LPAR1: variants seen among roughly 807,000 people sequenced by gnomAD.
The protein encoded by LPAR1 is LPA receptor 1.
LPAR1 carries 5 observed loss-of-function variants against 23.8 expected under a neutral mutation model. The ratio of observed to expected loss-of-function variants is 0.21; its 90% confidence interval spans 0.11 to 0.44. The LOEUF (loss-of-function observed/expected upper bound fraction) is 0.44, where lower values mean the gene tolerates loss of function less well. Ranked by LOEUF, LPAR1 falls within the 20% of genes least tolerant of loss-of-function variation. The probability of loss-of-function intolerance (pLI) is 0.99; values close to 1 mark genes in which losing one functional copy is unlikely to be tolerated. For missense variants in LPAR1, 311 were observed against 482.8 expected, an observed-to-expected ratio of 0.64 and a Z score of 3.33; for synonymous variants, 160 against 164.7, an observed-to-expected ratio of 0.97 and a Z score of 0.22.
chr9:110,938,240 T>C lies in LPAR1; in HGVS notation c.793+3181A>G, dbSNP rs554304728. Among the ~76,000 whole-genome samples, 7 of 152,272 alleles carry C rather than the reference T, an allele frequency of 4.6e-5. No individual in the cohort carries two copies. In the South Asian group the frequency reaches 1.5e-3, roughly 32 times the overall value. On this transcript the variant is annotated intron_variant, in intron 5 of 5. Transcript: ENST00000683809. The stretch of plus-strand genomic sequence containing the variant: ...AAAACCAAATGTACACAAACTAAAG[T>C]AAAATAACCAGATTATCAATGGACT...
At chr9:111,011,983 C>T (rs1373296970) in intron 2 of LPAR1, among the ~76,000 whole-genome samples, 1 of 152,196 alleles carries the variant, frequency 6.6e-6, no homozygotes, top group Non-Finnish European at 1.5e-5. Flanking sequence ...GGCACAATGG[C>T]TCATGCCTGT....
chr9:110,895,577 T>G (rs1246663082), intron 5 of LPAR1, among the ~76,000 whole-genome samples: 1 of 152,146 alleles, frequency 6.6e-6, no homozygotes, highest in Non-Finnish European at 1.5e-5. Flanking sequence ...AGGGAACTCT[T>G]TAGGGAGTGA....
intron 2 of LPAR1, among the ~76,000 whole-genome samples, chr9:111,006,571 C>A (rs909509821): frequency 2.0e-5 from 3 of 151,800 alleles, no homozygotes; most frequent in South Asian, 2.1e-4. Context: ...ACTCAACACA[C>A]AAAAAAAATC....
intron 5 of LPAR1, among the ~76,000 whole-genome samples, chr9:110,900,120 T>A (rs2088210928): frequency 6.6e-6 from 1 of 152,254 alleles, no homozygotes; most frequent in East Asian, 1.9e-4. Context: ...AATCCAAATT[T>A]ATTATCTTAT....
intron 5 of LPAR1, among the ~76,000 whole-genome samples, chr9:110,902,588 C>A (rs569773298): frequency 2.0e-5 from 3 of 152,246 alleles, no homozygotes; most frequent in Admixed American, 2.0e-4. Context: ...ATTACCCAGT[C>A]TCAGGTATGT....
chr9:110,906,238 T>C (rs2091180037), intron 5 of LPAR1, among the ~76,000 whole-genome samples: 1 of 152,218 alleles, frequency 6.6e-6, no homozygotes, highest in Non-Finnish European at 1.5e-5. Flanking sequence ...ACTACATTGC[T>C]GGTCCATTCT....
At chr9:110,895,498 G>A (rs904805468) in intron 5 of LPAR1, among the ~76,000 whole-genome samples, 1 of 152,234 alleles carries the variant, frequency 6.6e-6, no homozygotes, top group Non-Finnish European at 1.5e-5. Flanking sequence ...AACTAGGGGA[G>A]ACCCACTTGT....
intron 2 of LPAR1, among the ~76,000 whole-genome samples, chr9:111,028,774 C>T (rs1054642): frequency 6.6e-6 from 1 of 152,160 alleles, no homozygotes; most frequent in African/African-American, 2.4e-5. Flanking sequence ...ACTGAAATTT[C>T]CAAAGTTCTT....
At chr9:111,032,339 C>T (rs545997599) in intron 2 of LPAR1, among the ~76,000 whole-genome samples, 10 of 152,230 alleles carry the variant, frequency 6.6e-5, no homozygotes, top group African/African-American at 9.6e-5. Flanking sequence ...ACCACCTCAC[C>T]GCTGAGGGTC....
chr9:110,950,598 T>TTAA, intron 4 of LPAR1, among the ~76,000 whole-genome samples: 1 of 152,188 alleles, frequency 6.6e-6, no homozygotes, highest in African/African-American at 2.4e-5. Context: ...ATTTTCTGAA[T>TTAA]TAATCATCAA....
intron 2 of LPAR1, among the ~76,000 whole-genome samples, chr9:110,982,703 G>T (rs1248982100): frequency 2.0e-5 from 3 of 151,016 alleles, no homozygotes; most frequent in African/African-American, 2.4e-5. Context: ...AACATAATCG[G>T]CATACTTGAC....
chr9:111,014,647 C>T (rs777526900), intron 2 of LPAR1, among the ~76,000 whole-genome samples: 2 of 152,076 alleles, frequency 1.3e-5, no homozygotes, highest in Non-Finnish European at 2.9e-5. Flanking sequence ...GTTTCAAAAG[C>T]TCCCCCAGGT....
intron 4 of LPAR1, among the ~76,000 whole-genome samples, chr9:110,963,671 T>TA (rs929116071): frequency 1.2e-4 from 18 of 148,914 alleles, no homozygotes; most frequent in South Asian, 6.4e-4. Flanking sequence ...TAATAAAATT[T>TA]AAAAAAAAAA....
At chr9:110,973,286 C>G (rs2096477994) in intron 3 of LPAR1, among the ~76,000 whole-genome samples, 195 bp downstream of exon 3, 1 of 152,130 alleles carries the variant, frequency 6.6e-6, no homozygotes, top group South Asian at 2.1e-4. Flanking sequence ...CCAACCCCAC[C>G]TATTTGCAGA....
chr9:110,914,539 A>G (rs950316410), intron 5 of LPAR1, among the ~76,000 whole-genome samples: 1 of 152,220 alleles, frequency 6.6e-6, no homozygotes, highest in African/African-American at 2.4e-5. Context: ...AGGAGCTACA[A>G]TTCAAGAAGA....
At chr9:110,939,356 C>T (rs967667051) in intron 5 of LPAR1, among the ~76,000 whole-genome samples, 1 of 152,190 alleles carries the variant, frequency 6.6e-6, no homozygotes, top group African/African-American at 2.4e-5. Flanking sequence ...TCCTATATTA[C>T]AATCTTATTC....
At chr9:110,912,643 T>C (rs974989296) in intron 5 of LPAR1, among the ~76,000 whole-genome samples, 1 of 152,192 alleles carries the variant, frequency 6.6e-6, no homozygotes, top group African/African-American at 2.4e-5. Context: ...CTATAGAAGC[T>C]GGCATGGTCT....
At chr9:110,962,448 G>C (rs1488363158) in intron 4 of LPAR1, among the ~76,000 whole-genome samples, 3 of 152,098 alleles carry the variant, frequency 2.0e-5, no homozygotes, top group Admixed American at 6.6e-5. Context: ...TCCTATGCTT[G>C]GTGGTGGAAA....
intron 2 of LPAR1, among the ~76,000 whole-genome samples, chr9:111,016,599 AT>A (rs2097452255): frequency 6.6e-6 from 1 of 152,230 alleles, no homozygotes; most frequent in East Asian, 1.9e-4. Context: ...AGTCAAGTCA[AT>A]GCTTAAAGCA....
Sources: gnomAD v4.1 joint callset for allele counts (sites outside exome capture counted in the v4.1 genomes callset) on GRCh38, gnomAD v4.1.1 for gene constraint, MANE v1.5 for transcripts, NCBI Gene and HGNC (gene_info 2026-07-23, HGNC 2026-07-21) for gene names.